The following MTMR12 variants were observed in gnomAD, a reference collection of about 807,000 sequenced individuals.
MTMR12 encodes myotubularin-related protein 12.
In MTMR12, 33 loss-of-function variants were observed where a neutral mutation model predicts 96.7. The ratio of observed to expected loss-of-function variants is 0.34; its 90% CI spans 0.26 to 0.46. MTMR12 has a LOEUF of 0.46. Among genes scored for constraint, MTMR12 ranks in the 20% least tolerant of loss-of-function variants. MTMR12 has a pLI of 1.00. For missense variants in MTMR12, 721 were observed against 896.1 expected (o/e 0.80, Z 2.49); for synonymous variants, 298 against 327.2 (o/e 0.91, Z 0.96).
rs1015257181 is a variant in MTMR12 at position 32,248,270 on chromosome 5, C to T, written c.897-144G>A. 1.6e-4 allele frequency: 145 copies of T among 914,740 alleles called. 4 individuals are homozygous for T. The Admixed American group carries it at 3.7e-3, about 23-fold the overall frequency. The allele number at this position is 914,740 out of a possible 1,614,324, so 56.7% of individuals were successfully genotyped here. ...CTACCAGGCAATTGCTGCAGGACTCCTGTTCCCAGTCAATGGGTGTGGAAA... is the reference window on the plus strand; with the variant it reads ...CTACCAGGCAATTGCTGCAGGACTCTTGTTCCCAGTCAATGGGTGTGGAAA... On this transcript the variant is annotated intron_variant, in intron 9 of 15. Coordinates refer to ENST00000382142, the MANE Select transcript of MTMR12 (RefSeq NM_001040446.3).
intron 8 of MTMR12, among the ~76,000 whole-genome samples, chr5:32,249,774 C>G (rs1009531537): frequency 2.0e-5 from 3 of 152,016 alleles, no homozygotes; most frequent in Admixed American, 6.6e-5. Context: ...TTTTCAGGAA[C>G]AAAAGGAGAT....
intron 1 of MTMR12, among the ~76,000 whole-genome samples, chr5:32,291,892 T>C (rs1040861692): frequency 7.9e-5 from 12 of 152,072 alleles, no homozygotes; most frequent in Non-Finnish European, 2.9e-5. Context: ...AGGGCAGAGG[T>C]TTGTCTTCAC....
At chr5:32,276,080 A>G (rs970483723) in intron 2 of MTMR12, among the ~76,000 whole-genome samples, 2 of 152,254 alleles carry the variant, frequency 1.3e-5, no homozygotes, top group South Asian at 2.1e-4. Flanking sequence ...TATGGAGAGG[A>G]TACACCACCA....
At chr5:32,264,971 C>CA (rs759393962) in intron 6 of MTMR12, among the ~76,000 whole-genome samples, 118 of 141,118 alleles carry the variant, frequency 8.4e-4, no homozygotes, top group African/African-American at 7.8e-4. Context: ...CAAACCCCAC[C>CA]AAAAAAAAAA....
intron 1 of MTMR12, among the ~76,000 whole-genome samples, chr5:32,305,003 A>T (rs1324166237): frequency 6.6e-6 from 1 of 152,222 alleles, no homozygotes; most frequent in Non-Finnish European, 1.5e-5. Flanking sequence ...CTCCACGCTC[A>T]AAGAGAAAAT....
chr5:32,289,710 A>G lies in MTMR12; in HGVS notation c.82-12968T>C, dbSNP rs563774287. Among the ~76,000 whole-genome samples the G allele has an allele frequency of 3.5e-4, 54 of 152,304 alleles. No individual in the cohort carries two copies. In the South Asian group the frequency reaches 0.011, roughly 32 times the overall value. ...CCCAGACTCATCCTGTTATTTCCCC[A>G]GTGGCAGAATGCATAATTGGCATAG... On this transcript the variant is annotated intron_variant, in intron 1 of 15. Transcript: ENST00000382142.
At chr5:32,303,251 T>A (rs1751218590) in intron 1 of MTMR12, among the ~76,000 whole-genome samples, 1 of 152,184 alleles carries the variant, frequency 6.6e-6, no homozygotes, top group South Asian at 2.1e-4. Context: ...ATTTTCGAGG[T>A]AGAAATATAA....
chr5:32,252,453 T>G (rs780200763), intron 8 of MTMR12, among the ~76,000 whole-genome samples: 5 of 152,252 alleles, frequency 3.3e-5, no homozygotes, highest in Non-Finnish European at 5.9e-5. Flanking sequence ...TAGCTTCCTA[T>G]GCACCTACTG....
intron 1 of MTMR12, among the ~76,000 whole-genome samples, chr5:32,285,866 G>A (rs368654814): frequency 6.6e-5 from 10 of 152,094 alleles, no homozygotes; most frequent in East Asian, 1.9e-4. Context: ...CAACCTAATC[G>A]CTTCTCAGAA....
At chr5:32,246,171 T>TTTTTTTTTTTTTTG (rs1748677658) in intron 10 of MTMR12, among the ~76,000 whole-genome samples, 1 of 123,482 alleles carries the variant, frequency 8.1e-6, no homozygotes, top group Admixed American at 7.7e-5. Context: ...GAGTAGACAG[T>TTTTTTTTTTTTTTG]TTTTTTTTTT....
At position 32,233,510 on chromosome 5, in the gene MTMR12, A is replaced by G. The variant is rs1748088094; in HGVS notation, c.1674+263T>C. On this transcript the variant is annotated intron_variant, in intron 15 of 15. Transcript: ENST00000382142. The surrounding 1 kb of genome is among the most constrained non-coding windows in gnomAD (Gnocchi z 5.0). Reference sequence around the variant, plus strand: ...CACACACACACACAGGCAGGACAAGAGGCACGATTCCATGGAGTATGACCA... The same window carrying G: ...CACACACACACACAGGCAGGACAAGGGGCACGATTCCATGGAGTATGACCA... 6.6e-6 allele frequency among the ~76,000 whole-genome samples: 1 copy of G among 151,826 alleles called. No individual in the cohort carries two copies. The highest frequency in any genetic ancestry group is 1.5e-5 in the Non-Finnish European group (1 of 67,972).
intron 3 of MTMR12, 108 bp downstream of exon 3, chr5:32,273,872 G>A: frequency 6.8e-7 from 1 of 1,469,674 alleles, no homozygotes. Context: ...TGTCCTTTGT[G>A]TTTATGTGTG....
At chr5:32,230,510 T>TG (rs1186563988) in intron 15 of MTMR12, among the ~76,000 whole-genome samples, 163 bp from the exon 16 acceptor site, 1 of 151,910 alleles carries the variant, frequency 6.6e-6, no homozygotes. Flanking sequence ...CATCCAGAGG[T>TG]GGGGTATTCC....
At position 32,228,516 on chromosome 5, in the gene MTMR12, A is replaced by AATATACATCATATATATGAT. The variant is rs1747818122; in HGVS notation, c.*1261_*1262insATCATATATATGATGTATAT. ...AAGTATACTTTCCTGCATTAAAAAA[A>AATATACATCATATATATGAT]ATATATATCATATATATGATATATA... On this transcript the variant is annotated 3_prime_UTR_variant, in exon 16 of 16. Transcript: ENST00000382142. 9.2e-6 allele frequency: 1 copy of AATATACATCATATATATGAT among 108,224 alleles called. No individual in the cohort carries two copies. The highest frequency in any genetic ancestry group is 3.4e-4 in the South Asian group (1 of 2,946). 6.7% of individuals were successfully genotyped at this position (108,224 alleles called of 1,614,324 possible). A position where few individuals can be genotyped will look rare whatever the true frequency, so the allele number is the denominator to read the frequency against.
At chr5:32,273,878 G>C (rs1224856320) in intron 3 of MTMR12, 102 bp downstream of exon 3, 1 of 1,487,506 alleles carries the variant, frequency 6.7e-7, no homozygotes, top group African/African-American at 1.4e-5. Context: ...TTGTGTTTAT[G>C]TGTGTTAGGG....
Position 32,233,477 on chromosome 5 carries a change from C to A in MTMR12, c.1674+296G>T, listed in dbSNP as rs918932912. 5.9e-5 allele frequency among the ~76,000 whole-genome samples: 9 copies of A among 151,614 alleles called. No individual in the cohort carries two copies. Among genetic ancestry groups the A allele is most frequent in the Non-Finnish European group, 1.0e-4 (7 of 67,886 alleles). ...ACTAACACACACACACACACAAACA[C>A]ACACACACACACACACACACAGGCA... On this transcript the variant is annotated intron_variant, in intron 15 of 15. Transcript: ENST00000382142. This position sits in a 1 kb window ranked among gnomAD's most constrained non-coding sequence, Gnocchi z 5.0.
rs1490684990 is a variant in MTMR12, at chr5:32,312,128, G to A, written c.81+630C>T. On this transcript the variant is annotated intron_variant, in intron 1 of 15. Coordinates refer to ENST00000382142, the MANE Select transcript of MTMR12 (RefSeq NM_001040446.3). This position sits in a 1 kb window ranked among gnomAD's most constrained non-coding sequence, Gnocchi z 5.0. ...AATTTCTTGACCTGAAGATTCAGAA[G>A]AGTAAGAAGTGGGTGGAAAGGATGA... is the stretch of plus-strand genomic sequence containing the variant. Among the ~76,000 whole-genome samples the A allele has an allele frequency of 6.6e-6, 1 of 152,204 alleles. No individual in the cohort carries two copies. Among genetic ancestry groups the A allele is most frequent in the Non-Finnish European group, 1.5e-5 (1 of 68,032 alleles).
chr5:32,249,767 T>A (rs1228261109), intron 8 of MTMR12, among the ~76,000 whole-genome samples: 1 of 152,204 alleles, frequency 6.6e-6, no homozygotes, highest in Non-Finnish European at 1.5e-5. Context: ...TGTTTGTTTT[T>A]CAGGAACAAA....
At chr5:32,301,722 C>G (rs956069311) in intron 1 of MTMR12, among the ~76,000 whole-genome samples, 3 of 152,044 alleles carry the variant, frequency 2.0e-5, no homozygotes, top group South Asian at 2.1e-4. Context: ...GAAACCCTGT[C>G]TCTACTAAAA....
Sources: allele counts gnomAD v4.1 joint callset (sites outside exome capture counted in the v4.1 genomes callset), GRCh38; gene constraint gnomAD v4.1.1; non-coding constraint Gnocchi (gnomAD v3.1); transcripts MANE v1.5; gene names NCBI Gene and HGNC (gene_info 2026-07-23, HGNC 2026-07-21).